The following ETS1 variants were observed in gnomAD, a reference collection of about 807,000 sequenced individuals.
ETS1 encodes protein C-ets-1.
Under a neutral mutation model 58.6 loss-of-function variants are expected in ETS1, and 15 were observed. That is an observed-to-expected ratio of 0.26 (90% CI 0.17 to 0.39). The LOEUF is 0.39. Among genes scored for constraint, ETS1 ranks in the 10% least tolerant of loss-of-function variants. The probability of loss-of-function intolerance (pLI) is 1.00; values close to 1 mark genes in which losing one functional copy is unlikely to be tolerated. For missense variants in ETS1, 417 were observed against 610.5 expected (o/e 0.68, Z 3.34); for synonymous variants, 214 against 218.2 (o/e 0.98, Z 0.17).
chr11:128,520,634 T>C (rs1863641441), intron 3 of ETS1, among the ~76,000 whole-genome samples: 1 of 152,220 alleles, frequency 6.6e-6, no homozygotes, highest in African/African-American at 2.4e-5. Context: ...GCTCTCAGCA[T>C]TGCTCCCACC....
Position 128,463,032 on chromosome 11 carries a change from C to T in ETS1, c.1243-456G>A, listed in dbSNP as rs530558461. Among the ~76,000 whole-genome samples the T allele has an allele frequency of 4.6e-5, 7 of 152,298 alleles. 1 individual carries two copies. In the South Asian group the frequency reaches 1.4e-3, roughly 32 times the overall value. On this transcript the variant is annotated intron_variant, in intron 9 of 9. Transcript: ENST00000392668. The surrounding 1 kb of genome is among the most constrained non-coding windows in gnomAD (Gnocchi z 4.1). ...CCATACCAGGGCACAAATATTTTCT[C>T]ATGTCTGCCAGAACAAAGATGTTGT...
chr11:128,479,817 AT>A (rs1862432417), intron 8 of ETS1, among the ~76,000 whole-genome samples: 1 of 151,884 alleles, frequency 6.6e-6, no homozygotes, highest in Non-Finnish European at 1.5e-5. Context: ...CTGATTTTGT[AT>A]TTAGAAAGAC....
intron 3 of ETS1, chr11:128,526,383 A>G (rs1863801911): frequency 6.4e-6 from 1 of 155,120 alleles, no homozygotes; most frequent in African/African-American, 2.4e-5. Flanking sequence ...AGCAGCACAC[A>G]CCTTTTAAGG....
Position 128,460,783 on chromosome 11 carries a change from C to T in ETS1, c.*1578G>A, listed in dbSNP as rs1861887383. On this transcript the variant is annotated 3_prime_UTR_variant, in exon 10 of 10. Coordinates refer to ENST00000392668, the MANE Select transcript of ETS1 (RefSeq NM_001143820.2). Reference sequence around the variant, plus strand: ...ATCTCATGGACAACCTTATTTTCCTCACTGAACCTCCTTCCTTAGTTTCCT... The same window carrying T: ...ATCTCATGGACAACCTTATTTTCCTTACTGAACCTCCTTCCTTAGTTTCCT... 6.6e-6 allele frequency: 1 copy of T among 152,374 alleles called. No homozygotes were observed. The highest frequency in any genetic ancestry group is 2.1e-4 in the South Asian group (1 of 4,822). The allele number at this position is 152,374 out of a possible 1,614,324, so 9.4% of individuals were successfully genotyped here. A position where few individuals can be genotyped will look rare whatever the true frequency, so the allele number is the denominator to read the frequency against.
chr11:128,522,215 G>T lies in ETS1; in HGVS notation c.215-31639C>A, dbSNP rs2135519872. On this transcript the variant is annotated intron_variant, in intron 3 of 9. Transcript: ENST00000392668. ...CTTTGCGGCGAAGTGAGCGCGCTCGGGTCCCAGCCTCGCCCGCGCCGCGCC... is the reference window on the plus strand; with the variant it reads ...CTTTGCGGCGAAGTGAGCGCGCTCGTGTCCCAGCCTCGCCCGCGCCGCGCC... The T allele has an allele frequency of 3.2e-6, 4 of 1,233,650 alleles. No individual in the cohort carries two copies. The East Asian group carries it at 1.1e-4, about 33-fold the overall frequency. The allele number at this position is 1,233,650 out of a possible 1,614,324, so 76.4% of individuals were successfully genotyped here.
intron 7 of ETS1, among the ~76,000 whole-genome samples, chr11:128,481,235 T>C (rs957649085): frequency 3.2e-4 from 48 of 152,216 alleles, no homozygotes; most frequent in Non-Finnish European, 1.8e-4. Context: ...AAAGGTTTAT[T>C]AAAGAGTTAA....
At chr11:128,500,107 C>T (rs1565383377) in intron 3 of ETS1, among the ~76,000 whole-genome samples, 1 of 151,994 alleles carries the variant, frequency 6.6e-6, no homozygotes, top group African/African-American at 2.4e-5. Context: ...GAAGGAGGAA[C>T]GGGGGCTAGG....
chr11:128,489,375 G>A lies in ETS1; in HGVS notation c.450C>T (p.Cys150=), dbSNP rs549425510. 38 of 1,614,066 alleles carry A rather than the reference G, an allele frequency of 2.4e-5. No individual in the cohort carries two copies. Among genetic ancestry groups the A allele is most frequent in the African/African-American group, 5.3e-5 (4 of 74,928 alleles). Reference sequence around the variant, plus strand: ...CGAGAAAGCAGTCTTTACCCAGGGCGCAGAGGGCTGCTCCATTCATACAGA... The same window carrying A: ...CGAGAAAGCAGTCTTTACCCAGGGCACAGAGGGCTGCTCCATTCATACAGA... ...QKFCMNGAAL[C]ALGKDCFLEL... Residue 150 remains cysteine (C), a synonymous_variant, in exon 5 of 10, where the codon TGC becomes TGT. Transcript: ENST00000392668.
At chr11:128,534,544 C>A (rs1565400642) in intron 3 of ETS1, among the ~76,000 whole-genome samples, 2 of 152,122 alleles carry the variant, frequency 1.3e-5, no homozygotes, top group Non-Finnish European at 2.9e-5. Context: ...TTAAGCCCTG[C>A]ACATATTAGC....
intron 5 of ETS1, 44 bp from the exon 6 acceptor site, chr11:128,486,190 A>T (rs1220149686): frequency 7.9e-7 from 1 of 1,260,460 alleles, no homozygotes; most frequent in Admixed American, 1.8e-5. Context: ...TCAATATTCA[A>T]GTCATGCTTG....
chr11:128,533,956 A>G (rs1000144563), intron 3 of ETS1, among the ~76,000 whole-genome samples: 6 of 152,262 alleles, frequency 3.9e-5, no homozygotes, highest in African/African-American at 1.4e-4. Flanking sequence ...ACCACTTTAT[A>G]CCAAATGTGA....
intron 3 of ETS1, among the ~76,000 whole-genome samples, chr11:128,546,713 C>T (rs1424091012): frequency 3.3e-5 from 5 of 152,000 alleles, no homozygotes; most frequent in African/African-American, 7.3e-5. Context: ...CCCATGGATA[C>T]GAAGAGCCAA....
chr11:128,480,120 G>A (rs1862440535), intron 8 of ETS1, 71 bp downstream of exon 8: 5 of 1,580,208 alleles, frequency 3.2e-6, no homozygotes, highest in Middle Eastern at 2.1e-4. Flanking sequence ...CAGAGGTGCA[G>A]AGTGCCTTCC....
chr11:128,522,176 AGG>A, intron 3 of ETS1: 1 of 1,272,840 alleles, frequency 7.9e-7, no homozygotes, highest in Non-Finnish European at 9.9e-7. Flanking sequence ...CCGGCACTCC[AGG>A]GGAAGTTGGC....
In ETS1 at chr11:128,459,840, A is replaced by G. The variant is rs1318133435; in HGVS notation, c.*2521T>C. The G allele has an allele frequency of 6.6e-6, 1 of 152,550 alleles. No homozygotes were observed. The highest frequency in any genetic ancestry group is 1.5e-5 in the Non-Finnish European group (1 of 68,040). 9.4% of individuals were successfully genotyped at this position (152,550 alleles called of 1,614,324 possible). On this transcript the variant is annotated 3_prime_UTR_variant, in exon 10 of 10. Transcript: ENST00000392668. ...GAGGAGCACTAGGAGGCACTTTCTT[A>G]TATCTTATCTGCTATAGGAACTGCA... is the stretch of plus-strand genomic sequence containing the variant.
chr11:128,539,377 C>A (rs551727463), intron 3 of ETS1, among the ~76,000 whole-genome samples: 8 of 152,192 alleles, frequency 5.3e-5, no homozygotes, highest in Admixed American at 2.0e-4. Flanking sequence ...AATTTAAAAA[C>A]GGGCCAAGGA....
At chr11:128,573,256 G>A (rs1330992565) in intron 1 of ETS1, 112 bp from the exon 2 acceptor site, 1 of 708,494 alleles carries the variant, frequency 1.4e-6, no homozygotes, top group East Asian at 2.7e-5. Flanking sequence ...GAGCCAACCA[G>A]TTCACTTCTT....
Position 128,531,991 on chromosome 11 carries a change from C to T in ETS1, c.214+24300G>A, listed in dbSNP as rs574142282. On this transcript the variant is annotated intron_variant, in intron 3 of 9. Transcript: ENST00000392668. ...TACATTTTCCTCGGCTGTCTCTTTT[C>T]CTGCCAGCCAACAGTTCTTGTTGTT... 2.0e-5 allele frequency among the ~76,000 whole-genome samples: 3 copies of T among 152,276 alleles called. No homozygotes were observed. The South Asian group carries it at 6.2e-4, about 32-fold the overall frequency.
chr11:128,565,450 A>G, intron 2 of ETS1, among the ~76,000 whole-genome samples: 1 of 152,216 alleles, frequency 6.6e-6, no homozygotes, highest in East Asian at 1.9e-4. Context: ...TTGTTATAGC[A>G]GCACTAATGG....
Sources: allele counts gnomAD v4.1 joint callset (sites outside exome capture counted in the v4.1 genomes callset), GRCh38; gene constraint gnomAD v4.1.1; non-coding constraint Gnocchi (gnomAD v3.1); transcripts MANE v1.5; gene names NCBI Gene and HGNC (gene_info 2026-07-23, HGNC 2026-07-21).